Variants in PTPRT observed in about 807,000 individuals in gnomAD.
PTPRT encodes the protein protein tyrosine phosphatase receptor type T, also known as receptor-type tyrosine-protein phosphatase T.
In PTPRT, 56 loss-of-function variants were observed where a neutral mutation model predicts 176.8. That is an observed-to-expected ratio of 0.32 (90% CI 0.26 to 0.40). PTPRT has a LOEUF of 0.40. Ranked by LOEUF, PTPRT falls within the 10% of genes least tolerant of loss-of-function variation. The pLI, the probability that PTPRT is intolerant of heterozygous loss-of-function variation, is 1.00. For synonymous variants in PTPRT, 783 were observed against 739.0 expected (o/e 1.06, Z -0.96); for missense variants, 1,540 against 1,908.2 (o/e 0.81, Z 3.60).
chr20:42,218,965 G>A (rs1224166690), intron 15 of PTPRT, among the ~76,000 whole-genome samples: 2 of 152,206 alleles, frequency 1.3e-5, no homozygotes, highest in Non-Finnish European at 2.9e-5. Context: ...CAAGACAGAC[G>A]GCGTTTGCAA....
chr20:42,880,744 C>G (rs2079000689), intron 2 of PTPRT, among the ~76,000 whole-genome samples: 2 of 152,248 alleles, frequency 1.3e-5, no homozygotes, highest in Non-Finnish European at 2.9e-5. Flanking sequence ...TCCTCTGTGA[C>G]AGCCTCAATA....
At chr20:42,565,087 C>T (rs540910117) in intron 7 of PTPRT, among the ~76,000 whole-genome samples, 1 of 152,164 alleles carries the variant, frequency 6.6e-6, no homozygotes, top group East Asian at 1.9e-4. Flanking sequence ...CCGGGTCCTT[C>T]GTGTTAGAGC....
At chr20:42,139,741 G>C (rs546652629) in intron 18 of PTPRT, among the ~76,000 whole-genome samples, 2 of 152,346 alleles carry the variant, frequency 1.3e-5, no homozygotes, top group East Asian at 3.9e-4. Flanking sequence ...TCAGATAAGT[G>C]ACTATATATT....
chr20:42,370,505 G>A (rs567812469), intron 9 of PTPRT, among the ~76,000 whole-genome samples: 7 of 152,288 alleles, frequency 4.6e-5, no homozygotes, highest in African/African-American at 1.7e-4. Context: ...GTCAAAAGCA[G>A]GAGGCAACTG....
chr20:42,555,740 A>AATGTACCTGTGTCACTTAGGT (rs1349106372), intron 7 of PTPRT, among the ~76,000 whole-genome samples: 1 of 152,104 alleles, frequency 6.6e-6, no homozygotes, highest in East Asian at 1.9e-4. Context: ...CATCTAAAGG[A>AATGTACCTGTGTCACTTAGGT]ATGTACCTGT....
chr20:43,036,998 A>T (rs999455983), intron 1 of PTPRT, among the ~76,000 whole-genome samples: 7 of 152,232 alleles, frequency 4.6e-5, no homozygotes, highest in Non-Finnish European at 1.0e-4. Flanking sequence ...TCAAAAGACC[A>T]TAAAATACAT....
intron 1 of PTPRT, among the ~76,000 whole-genome samples, chr20:42,947,553 C>T (rs1430608224): frequency 1.3e-5 from 2 of 152,176 alleles, no homozygotes; most frequent in Admixed American, 6.5e-5. Flanking sequence ...CAAACAATAT[C>T]GCAATGTTTG....
At chr20:43,116,859 G>A (rs552642273) in intron 1 of PTPRT, among the ~76,000 whole-genome samples, 4 of 152,268 alleles carry the variant, frequency 2.6e-5, no homozygotes, top group Middle Eastern at 3.4e-3. Flanking sequence ...AAGCATGGCT[G>A]TATTAGATAG....
chr20:42,450,804 T>C (rs1282426063), intron 8 of PTPRT, among the ~76,000 whole-genome samples: 1 of 152,192 alleles, frequency 6.6e-6, no homozygotes, highest in Non-Finnish European at 1.5e-5. Context: ...AGAGATGTAG[T>C]CAAATCCATG....
At chr20:42,968,471 A>C (rs1321218992) in intron 1 of PTPRT, among the ~76,000 whole-genome samples, 2 of 152,170 alleles carry the variant, frequency 1.3e-5, no homozygotes, top group African/African-American at 2.4e-5. Flanking sequence ...CAAAGTTCCA[A>C]ATGAACTAAT....
Position 42,872,038 on chromosome 20 carries a change from C to T in PTPRT, c.214+13769G>A, listed in dbSNP as rs564513566. On this transcript the variant is annotated intron_variant, in intron 2 of 30. Transcript: ENST00000373187. ...TAGCTTTCACAAGTTGTTTCATTGA[C>T]TACAAGGCTTTGAATCCTGAGAAAG... Among the ~76,000 whole-genome samples, 8 of 152,254 alleles carry T rather than the reference C, an allele frequency of 5.3e-5. No homozygotes were observed. In the South Asian group the frequency reaches 1.0e-3, roughly 20 times the overall value.
At chr20:42,605,008 A>G (rs996822918) in intron 7 of PTPRT, among the ~76,000 whole-genome samples, 8 of 152,178 alleles carry the variant, frequency 5.3e-5, no homozygotes, top group African/African-American at 1.9e-4. Flanking sequence ...GTGAGACTCC[A>G]AGGTCAAAGG....
intron 4 of PTPRT, among the ~76,000 whole-genome samples, chr20:42,779,455 A>T (rs2077183421): frequency 6.6e-6 from 1 of 152,204 alleles, no homozygotes; most frequent in Non-Finnish European, 1.5e-5. Context: ...CATTCCAGGT[A>T]TCCCTCCCAG....
chr20:42,697,960 G>A (rs2075908657), intron 6 of PTPRT, among the ~76,000 whole-genome samples: 1 of 152,074 alleles, frequency 6.6e-6, no homozygotes, highest in Non-Finnish European at 1.5e-5. Flanking sequence ...AGAACACACA[G>A]GTTTAATGTA....
chr20:42,923,175 C>A (rs903353029), intron 1 of PTPRT, among the ~76,000 whole-genome samples: 2 of 152,000 alleles, frequency 1.3e-5, no homozygotes, highest in Non-Finnish European at 1.5e-5. Flanking sequence ...GGAGAAAAAA[C>A]CTAGCAATCC....
intron 16 of PTPRT, among the ~76,000 whole-genome samples, chr20:42,165,970 AAAT>A (rs1444061695): frequency 3.3e-5 from 5 of 152,246 alleles, no homozygotes; most frequent in African/African-American, 7.2e-5. Context: ...CATATGTCTG[AAAT>A]AATATTTCAA....
At chr20:42,050,186 A>G in the PTPRT span, among the ~76,000 whole-genome samples, 1 of 151,966 alleles carries the variant, frequency 6.6e-6, no homozygotes, top group South Asian at 2.1e-4. Flanking sequence ...TGGGAGGGAA[A>G]TCTCCCCTTT....
At chr20:42,386,949 T>C (rs1340392885) in intron 9 of PTPRT, among the ~76,000 whole-genome samples, 1 of 152,214 alleles carries the variant, frequency 6.6e-6, no homozygotes, top group South Asian at 2.1e-4. Context: ...CAAGATCATA[T>C]AGCTGAGACC....
At chr20:42,226,720 C>G (rs780179692) in intron 15 of PTPRT, among the ~76,000 whole-genome samples, 11 of 152,084 alleles carry the variant, frequency 7.2e-5, no homozygotes, top group Non-Finnish European at 1.5e-4. Flanking sequence ...GCCTTGGAGA[C>G]ATATTGCTAA....
Sources: gnomAD v4.1 joint callset for allele counts (sites outside exome capture counted in the v4.1 genomes callset) on GRCh38, gnomAD v4.1.1 for gene constraint, MANE v1.5 for transcripts, NCBI Gene and HGNC (gene_info 2026-07-23, HGNC 2026-07-21) for gene names.